The following ICE1 variants were observed in gnomAD, a reference collection of about 807,000 sequenced individuals.
The protein encoded by ICE1 is little elongation complex subunit 1.
In ICE1, 64 loss-of-function variants were observed where a neutral mutation model predicts 192.7. The ratio of observed to expected loss-of-function variants is 0.33; its 90% CI spans 0.27 to 0.41. The LOEUF is 0.41. Among genes scored for constraint, ICE1 ranks in the 10% least tolerant of loss-of-function variants. The pLI is 1.00. For synonymous variants in ICE1, 1,010 were observed against 984.5 expected (o/e 1.03, Z -0.49); for missense variants, 2,708 against 2,696.0 (o/e 1.00, Z -0.10).
At chr5:5,435,669 T>TTG (rs1737848946) in intron 1 of ICE1, among the ~76,000 whole-genome samples, 2 of 129,876 alleles carry the variant, frequency 1.5e-5, no homozygotes, top group African/African-American at 3.0e-5. Flanking sequence ...TTTTTTTTTT[T>TTG]TTTGTTTTGT....
At chr5:5,479,189 AATCT>A (rs1487160180) in intron 17 of ICE1, among the ~76,000 whole-genome samples, 11 of 152,228 alleles carry the variant, frequency 7.2e-5, no homozygotes, top group African/African-American at 2.2e-4. Flanking sequence ...AATTTTTTGC[AATCT>A]ATCCATCTGA....
chr5:5,458,946 C>A (rs894942209), intron 12 of ICE1, among the ~76,000 whole-genome samples: 1 of 152,080 alleles, frequency 6.6e-6, no homozygotes, highest in African/African-American at 2.4e-5. Flanking sequence ...GATCTCGGCT[C>A]ACTGCAAGCT....
chr5:5,448,046 T>G, intron 10 of ICE1, 149 bp downstream of exon 10: 2 of 591,982 alleles, frequency 3.4e-6, no homozygotes, highest in Non-Finnish European at 6.0e-6. Context: ...GTGTCTTCAT[T>G]AGATCCAAAT....
chr5:5,463,552 A>G lies in ICE1; in HGVS notation c.4218A>G (p.Ile1406Met). 6.2e-7 allele frequency: 1 copy of G among 1,613,984 alleles called. No individual in the cohort carries two copies. The highest frequency in any genetic ancestry group is 1.1e-5 in the South Asian group (1 of 91,074). Residue 1406 changes from isoleucine to methionine, a missense_variant, in exon 13 of 19, where the codon ATA (isoleucine) becomes ATG (methionine). Ile to Met is a conservative substitution (Grantham distance 10). Around this residue, in one of 2 missense-constraint regions of ICE1, gnomAD observed 2,366 missense variants for 2,276.6 expected, o/e 1.04. Coordinates refer to ENST00000296564, the MANE Select transcript of ICE1 (RefSeq NM_015325.3). Reference sequence around the variant, plus strand: ...TAGCAACAGTGACCTCAGAAGTTATAAACGTACTTATAAATAAGGATCAGA... The same window carrying G: ...TAGCAACAGTGACCTCAGAAGTTATGAACGTACTTATAAATAAGGATCAGA... ...CQIATVTSEV[I>M]NVLINKDQNL...
At chr5:5,433,070 C>T (rs1010695932) in intron 1 of ICE1, among the ~76,000 whole-genome samples, 1 of 152,112 alleles carries the variant, frequency 6.6e-6, no homozygotes, top group African/African-American at 2.4e-5. Context: ...AGGTATTTCC[C>T]TTCTTCTTCC....
chr5:5,479,393 G>T (rs1005211067), intron 17 of ICE1, among the ~76,000 whole-genome samples: 4 of 152,176 alleles, frequency 2.6e-5, no homozygotes, highest in Non-Finnish European at 5.9e-5. Flanking sequence ...CCACTATGAG[G>T]TACCATCTCA....
In ICE1 at chr5:5,428,495, C is replaced by A. The variant is rs577338955; in HGVS notation, c.84+5496C>A. On this transcript the variant is annotated intron_variant, in intron 1 of 18. Coordinates refer to ENST00000296564, the MANE Select transcript of ICE1 (RefSeq NM_015325.3). ...TTATTTTGAAATAATTTCAGACTTA[C>A]AATAAAGTTGCCACAATAATACAAA... Among the ~76,000 whole-genome samples, 5 of 152,306 alleles carry A rather than the reference C, an allele frequency of 3.3e-5. No individual in the cohort carries two copies. The South Asian group carries it at 1.0e-3, about 32-fold the overall frequency.
At chr5:5,437,830 A>T (rs1469353698) in intron 3 of ICE1, 3 of 152,086 alleles carry the variant, frequency 2.0e-5, no homozygotes, top group African/African-American at 7.3e-5. Flanking sequence ...ACATACGTAT[A>T]CTCCTTTAGG....
intron 16 of ICE1, among the ~76,000 whole-genome samples, chr5:5,475,609 A>G (rs187477327): frequency 6.6e-6 from 1 of 152,328 alleles, no homozygotes; most frequent in African/African-American, 2.4e-5. Flanking sequence ...ATCCTGCCGG[A>G]TAACTTGGCT....
chr5:5,423,199 C>T (rs186891536), intron 1 of ICE1, among the ~76,000 whole-genome samples, 200 bp downstream of exon 1: 13 of 152,208 alleles, frequency 8.5e-5, no homozygotes, highest in Admixed American at 7.2e-4. Context: ...TTTATTTAAG[C>T]TTGAAACCCA....
intron 15 of ICE1, among the ~76,000 whole-genome samples, chr5:5,469,848 A>G (rs1353303106): frequency 6.6e-6 from 1 of 152,180 alleles, no homozygotes; most frequent in Non-Finnish European, 1.5e-5. Context: ...GAGTAGATTC[A>G]TGTGAGGTAT....
At chr5:5,436,541 G>A in intron 2 of ICE1, 65 bp downstream of exon 2, 1 of 898,096 alleles carries the variant, frequency 1.1e-6, no homozygotes, top group South Asian at 2.1e-5. Flanking sequence ...GAAGCAGGCG[G>A]TGCTTTTAGG....
At chr5:5,448,246 A>C (rs993260798) in intron 10 of ICE1, among the ~76,000 whole-genome samples, 18 of 152,204 alleles carry the variant, frequency 1.2e-4, no homozygotes, top group Admixed American at 1.2e-3. Flanking sequence ...GTATATAAGA[A>C]AATGTTAAAG....
At chr5:5,440,549 C>T (rs564569378) in intron 4 of ICE1, among the ~76,000 whole-genome samples, 5 of 152,144 alleles carry the variant, frequency 3.3e-5, no homozygotes, top group South Asian at 2.1e-4. Flanking sequence ...CTAGGCTGGC[C>T]GCAATGGCTC....
At chr5:5,446,724 TAATAA>T (rs1738236716) in intron 7 of ICE1, among the ~76,000 whole-genome samples, 1 of 152,184 alleles carries the variant, frequency 6.6e-6, no homozygotes, top group Non-Finnish European at 1.5e-5. Flanking sequence ...CGGTGTGACT[TAATAA>T]AGATTACTGA....
chr5:5,481,467 C>G (rs1739502638), intron 17 of ICE1, among the ~76,000 whole-genome samples: 2 of 152,118 alleles, frequency 1.3e-5, no homozygotes, highest in Non-Finnish European at 2.9e-5. Context: ...TCTCCAGTGT[C>G]TCTTCTAACT....
intron 1 of ICE1, 25 bp downstream of exon 1, chr5:5,423,024 G>A: frequency 7.4e-7 from 1 of 1,342,604 alleles, no homozygotes. Flanking sequence ...GGGGCCCCGG[G>A]CGCGGGGGGG....
intron 17 of ICE1, among the ~76,000 whole-genome samples, chr5:5,480,251 T>C: frequency 7.1e-6 from 1 of 140,332 alleles, no homozygotes; most frequent in African/African-American, 2.8e-5. Context: ...TTCTTTTTCT[T>C]TTTTTTTTTT....
At chr5:5,454,948 G>T (rs965541759) in intron 11 of ICE1, among the ~76,000 whole-genome samples, 1 of 152,092 alleles carries the variant, frequency 6.6e-6, no homozygotes, top group African/African-American at 2.4e-5. Context: ...TCATGAATTT[G>T]ATCAATCTGT....
Sources: allele counts gnomAD v4.1 joint callset (sites outside exome capture counted in the v4.1 genomes callset), GRCh38; gene constraint gnomAD v4.1.1; regional missense constraint gnomAD v4.1.1; transcripts MANE v1.5; gene names NCBI Gene and HGNC (gene_info 2026-07-23, HGNC 2026-07-21).